CAMTA1: variants seen among roughly 807,000 people sequenced by gnomAD.
CAMTA1 encodes the protein calmodulin-binding transcription activator 1.
Under a neutral mutation model 170.9 loss-of-function variants are expected in CAMTA1, and 27 were observed. That is an observed-to-expected ratio of 0.16 (90% CI 0.12 to 0.22). The LOEUF (loss-of-function observed/expected upper bound fraction) is 0.22, where lower values mean the gene tolerates loss of function less well. Ranked by LOEUF, CAMTA1 falls within the 10% of genes least tolerant of loss-of-function variation. CAMTA1 has a pLI of 1.00. For missense variants in CAMTA1, 1,619 were observed against 2,217.2 expected (o/e 0.73, Z 5.42); for synonymous variants, 833 against 891.5 (o/e 0.93, Z 1.17).
rs550292473 is a variant in CAMTA1, at chr1:7,104,925, GA to G, written c.302+13562del. On this transcript the variant is annotated intron_variant, in intron 4 of 22. Transcript: ENST00000303635. Reference sequence around the variant, plus strand: ...GCTGTGATACAGAATTCCAAGGTGAGAAAAAAAATCTCTCCCTTCACTTTAT... The same window carrying G: ...GCTGTGATACAGAATTCCAAGGTGAGAAAAAAATCTCTCCCTTCACTTTAT... Among the ~76,000 whole-genome samples the G allele has an allele frequency of 2.0e-5, 3 of 152,060 alleles. No individual in the cohort carries two copies. In the South Asian group the frequency reaches 6.2e-4, roughly 32 times the overall value.
At position 7,681,012 on chromosome 1, in the gene CAMTA1, C is replaced by T. The variant is rs1261751426; in HGVS notation, c.2914+3279C>T. On this transcript the variant is annotated intron_variant, in intron 11 of 22. Coordinates refer to ENST00000303635, the MANE Select transcript of CAMTA1 (RefSeq NM_015215.4). The surrounding 1 kb of genome is among the most constrained non-coding windows in gnomAD (Gnocchi z 4.6). ...GGCCGGGGGGCAGGGACCCGACGTC[C>T]CCAAAATCTCAGCTGGGGCGCAGCC... Among the ~76,000 whole-genome samples, 2 of 152,104 alleles carry T rather than the reference C, an allele frequency of 1.3e-5. No homozygotes were observed. Among genetic ancestry groups the T allele is most frequent in the African/African-American group, 2.4e-5 (1 of 41,432 alleles).
chr1:6,941,493 C>T (rs909975805), intron 3 of CAMTA1, among the ~76,000 whole-genome samples: 1 of 152,142 alleles, frequency 6.6e-6, no homozygotes, highest in Non-Finnish European at 1.5e-5. Flanking sequence ...TAGACACTGA[C>T]CCGAGGCACA....
At chr1:6,796,132 CTTTTTT>C (rs978363793) in intron 1 of CAMTA1, among the ~76,000 whole-genome samples, 9 of 70,948 alleles carry the variant, frequency 1.3e-4, no homozygotes, top group African/African-American at 5.3e-4. Flanking sequence ...AATAGCATTT[CTTTTTT>C]TTTTTTTTTT....
chr1:6,830,736 T>C (rs778486179), intron 3 of CAMTA1, among the ~76,000 whole-genome samples: 2 of 152,220 alleles, frequency 1.3e-5, no homozygotes, highest in Non-Finnish European at 2.9e-5. Context: ...AAGTGTATGC[T>C]GGTGAAACTA....
chr1:7,652,896 G>A (rs1243743510), intron 7 of CAMTA1, among the ~76,000 whole-genome samples: 1 of 152,180 alleles, frequency 6.6e-6, no homozygotes, highest in African/African-American at 2.4e-5. Context: ...CTACGCACCT[G>A]CTGTGTGACC....
At chr1:7,416,399 A>T (rs900448754) in intron 5 of CAMTA1, among the ~76,000 whole-genome samples, 5 of 152,230 alleles carry the variant, frequency 3.3e-5, no homozygotes, top group Non-Finnish European at 7.3e-5. Flanking sequence ...AGGCACACCA[A>T]TCAGACGTAG....
At position 6,885,122 on chromosome 1, in the gene CAMTA1, C is replaced by A. The variant is rs183705328; in HGVS notation, c.234+59912C>A. Among the ~76,000 whole-genome samples the A allele has an allele frequency of 3.6e-3, 550 of 152,202 alleles. 2 individuals carry two copies. Among genetic ancestry groups the A allele is most frequent in the Non-Finnish European group, 4.5e-3 (305 of 68,012 alleles). On this transcript the variant is annotated intron_variant, in intron 3 of 22. Transcript: ENST00000303635. ...GTAATTTGTTTTGAGGTTTTTCTTC[C>A]TGCTAAATGGTGTTTTGCTTACAGA...
chr1:7,180,424 G>T (rs1240275311), intron 4 of CAMTA1, among the ~76,000 whole-genome samples: 1 of 150,762 alleles, frequency 6.6e-6, no homozygotes, highest in African/African-American at 2.4e-5. Flanking sequence ...GTATCAATTT[G>T]GTATAGGAAG....
intron 6 of CAMTA1, among the ~76,000 whole-genome samples, chr1:7,555,617 C>T (rs2094865416): frequency 1.3e-5 from 2 of 150,882 alleles, no homozygotes; most frequent in African/African-American, 4.9e-5. Context: ...CTGGAACAGG[C>T]AGGAGAAAAG....
chr1:7,668,165 G>A (rs1179424786), intron 9 of CAMTA1, among the ~76,000 whole-genome samples: 1 of 152,166 alleles, frequency 6.6e-6, no homozygotes, highest in East Asian at 1.9e-4. Flanking sequence ...CTACAGGCAG[G>A]CTCGTCGGCC....
chr1:7,107,672 C>T (rs1054988850), intron 4 of CAMTA1, among the ~76,000 whole-genome samples: 2 of 152,120 alleles, frequency 1.3e-5, no homozygotes, highest in African/African-American at 2.4e-5. Flanking sequence ...GGAGCCTGGC[C>T]GGGGCTCAGC....
At chr1:6,907,407 G>T (rs1678758637) in intron 3 of CAMTA1, among the ~76,000 whole-genome samples, 1 of 152,132 alleles carries the variant, frequency 6.6e-6, no homozygotes, top group Admixed American at 6.5e-5. Flanking sequence ...TTTCTACGCA[G>T]GGTGCATGCA....
intron 5 of CAMTA1, among the ~76,000 whole-genome samples, chr1:7,379,503 C>G (rs2087108026): frequency 6.6e-6 from 1 of 152,158 alleles, no homozygotes; most frequent in African/African-American, 2.4e-5. Context: ...ATTCAGGGAG[C>G]CGGGAAAAAA....
intron 3 of CAMTA1, among the ~76,000 whole-genome samples, chr1:6,914,104 T>TTTTTTC (rs1432911108): frequency 6.9e-6 from 1 of 145,048 alleles, no homozygotes; most frequent in Non-Finnish European, 1.5e-5. Flanking sequence ...GCTCATCTCT[T>TTTTTTC]TTTTTTTTTT....
Position 7,633,364 on chromosome 1 carries a change from C to G in CAMTA1, c.511-7036C>G, listed in dbSNP as rs926604966. 3.3e-5 allele frequency among the ~76,000 whole-genome samples: 5 copies of G among 152,178 alleles called. No individual in the cohort carries two copies. Among genetic ancestry groups the G allele is most frequent in the Non-Finnish European group, 5.9e-5 (4 of 68,016 alleles). ...GTTAAGGGACAAGCTGAACTTCCCT[C>G]AGAGAGGAAGAGCTGCAGAGGGGCA... is the stretch of plus-strand genomic sequence containing the variant. On this transcript the variant is annotated intron_variant, in intron 6 of 22. Coordinates refer to ENST00000303635, the MANE Select transcript of CAMTA1 (RefSeq NM_015215.4). The surrounding 1 kb of genome is among the most constrained non-coding windows in gnomAD (Gnocchi z 4.1).
Position 7,692,562 on chromosome 1 carries a change from G to A in CAMTA1, c.2914+14829G>A, listed in dbSNP as rs911018128. Among the ~76,000 whole-genome samples the A allele has an allele frequency of 5.3e-5, 8 of 152,164 alleles. No homozygotes were observed. The South Asian group carries it at 8.3e-4, about 16-fold the overall frequency. ...GAATGAATGAGTGAGTAGGTGAGTCGGGGCCATGAAAACCTCCCTATGCAC... is the reference window on the plus strand; with the variant it reads ...GAATGAATGAGTGAGTAGGTGAGTCAGGGCCATGAAAACCTCCCTATGCAC... On this transcript the variant is annotated intron_variant, in intron 11 of 22. Coordinates refer to ENST00000303635, the MANE Select transcript of CAMTA1 (RefSeq NM_015215.4).
At chr1:7,583,525 G>A (rs185188377) in intron 6 of CAMTA1, among the ~76,000 whole-genome samples, 15 of 152,264 alleles carry the variant, frequency 9.9e-5, no homozygotes, top group African/African-American at 3.6e-4. Context: ...ATGTGAGCAG[G>A]CAGAGGCTGG....
At chr1:7,121,190 C>T (rs182974934) in intron 4 of CAMTA1, among the ~76,000 whole-genome samples, 45 of 152,330 alleles carry the variant, frequency 3.0e-4, no homozygotes, top group African/African-American at 1.1e-3. Context: ...GTGACCCTGG[C>T]TTTTTGCCAG....
At chr1:7,601,787 G>A (rs1485422213) in intron 6 of CAMTA1, among the ~76,000 whole-genome samples, 8 of 152,322 alleles carry the variant, frequency 5.3e-5, no homozygotes, top group South Asian at 2.1e-4. Flanking sequence ...AAAAAAATAC[G>A]AAAACCAGTC....
Sources: allele counts gnomAD v4.1 joint callset (sites outside exome capture counted in the v4.1 genomes callset), GRCh38; gene constraint gnomAD v4.1.1; non-coding constraint Gnocchi (gnomAD v3.1); transcripts MANE v1.5; gene names NCBI Gene and HGNC (gene_info 2026-07-23, HGNC 2026-07-21).